PCDHA4: variants seen among roughly 807,000 people sequenced by gnomAD.
PCDHA4 encodes the protein protocadherin alpha-4.
A neutral mutation model predicts 61.4 loss-of-function variants in PCDHA4; 49 were observed. That is an observed-to-expected ratio of 0.80 (90% CI 0.63 to 1.01). The LOEUF is 1.01. Ranked by LOEUF, PCDHA4 falls within the 50% of genes least tolerant of loss-of-function variation. PCDHA4 has a pLI of 0.00. For missense variants in PCDHA4, 1,254 were observed against 1,235.8 expected (o/e 1.01, Z -0.22); for synonymous variants, 590 against 550.3 (o/e 1.07, Z -1.01).
chr5:140,851,332 C>T (rs2042029710), intron 1 of PCDHA4: 1 of 971,624 alleles, frequency 1.0e-6, no homozygotes, highest in Non-Finnish European at 1.3e-6. Context: ...GTTTGTAGTT[C>T]TCTACATTTC....
chr5:140,830,060 C>T, intron 1 of PCDHA4: 1 of 1,613,712 alleles, frequency 6.2e-7, no homozygotes, highest in South Asian at 1.1e-5. Context: ...CCACGGTGAG[C>T]CGGCGCTGAC....
At chr5:140,824,417 G>T in intron 1 of PCDHA4, 1 of 513,492 alleles carries the variant, frequency 1.9e-6, no homozygotes, top group Admixed American at 3.8e-5. Flanking sequence ...ACATAGTTTG[G>T]AGTCATTCTC....
At chr5:140,877,930 C>T (rs2057400413) in intron 1 of PCDHA4, 1 of 1,411,700 alleles carries the variant, frequency 7.1e-7, no homozygotes, top group East Asian at 2.5e-5. Flanking sequence ...CTTTATGATT[C>T]TATCCTTTAA....
In PCDHA4 at chr5:140,856,944, G is replaced by A; in HGVS notation, c.2385+47372G>A. Reference sequence around the variant, plus strand: ...AAATTTTGGATAAACGAAAGGACGGGAGAAATAAAAGTAAATGATGCTATT... The same window carrying A: ...AAATTTTGGATAAACGAAAGGACGGAAGAAATAAAAGTAAATGATGCTATT... On this transcript the variant is annotated intron_variant, in intron 1 of 3. Transcript: ENST00000530339. 1.9e-6 allele frequency: 3 copies of A among 1,593,674 alleles called. 1 individual carries two copies. The highest frequency in any genetic ancestry group is 2.6e-6 in the Non-Finnish European group (3 of 1,163,664).
intron 1 of PCDHA4, chr5:140,841,610 G>A (rs199713478): frequency 9.3e-7 from 1 of 1,080,210 alleles, no homozygotes; most frequent in Admixed American, 2.5e-5. Context: ...GGAGCTGTGC[G>A]GGCGGAGCGC....
At chr5:140,989,565 G>A (rs782538666) in intron 3 of PCDHA4, among the ~76,000 whole-genome samples, 12 of 152,134 alleles carry the variant, frequency 7.9e-5, no homozygotes, top group South Asian at 4.1e-4. Context: ...TTGTGGCTCC[G>A]GCAAGCCCTG....
Position 140,847,724 on chromosome 5 carries a change from A to G in PCDHA4, c.2385+38152A>G, listed in dbSNP as rs2150403013. 2.0e-5 allele frequency: 3 copies of G among 150,110 alleles called. No individual in the cohort carries two copies. The South Asian group carries it at 6.3e-4, about 32-fold the overall frequency. 9.3% of individuals were successfully genotyped at this position (150,110 alleles called of 1,614,324 possible). ...ACAGATTGTATAAATGCTACAAAAGAGAAAAATATATTTTCTCCCCACGCA... is the reference window on the plus strand; with the variant it reads ...ACAGATTGTATAAATGCTACAAAAGGGAAAAATATATTTTCTCCCCACGCA... On this transcript the variant is annotated intron_variant, in intron 1 of 3. Transcript: ENST00000530339.
chr5:140,951,008 G>A (rs563188363), intron 1 of PCDHA4, among the ~76,000 whole-genome samples: 2 of 151,974 alleles, frequency 1.3e-5, no homozygotes, highest in South Asian at 4.2e-4. Flanking sequence ...TTTTTCCCAA[G>A]ATCAGGCAGT....
In PCDHA4 at chr5:141,010,480, A is replaced by C; in HGVS notation, c.*543A>C. The C allele has an allele frequency of 1.4e-6, 1 of 696,098 alleles. No individual in the cohort carries two copies. Among genetic ancestry groups the C allele is most frequent in the Non-Finnish European group, 2.2e-6 (1 of 452,208 alleles). 43.1% of individuals were successfully genotyped at this position (696,098 alleles called of 1,614,324 possible). A position where few individuals can be genotyped will look rare whatever the true frequency, so the allele number is the denominator to read the frequency against. On this transcript the variant is annotated 3_prime_UTR_variant, in exon 4 of 4. Transcript: ENST00000530339. ...TTATCAGTATGGAGGGGAAGTGTAA[A>C]CTTAAAGGGACCAGACTTTCTAAAT...
Position 140,851,830 on chromosome 5 carries a change from T to A in PCDHA4, c.2385+42258T>A, listed in dbSNP as rs565233003. The A allele has an allele frequency of 1.6e-4, 153 of 967,896 alleles. 10 individuals carry two copies. In the African/African-American group the frequency reaches 2.0e-3, roughly 13 times the overall value. 60.0% of individuals were successfully genotyped at this position (967,896 alleles called of 1,614,324 possible). On this transcript the variant is annotated intron_variant, in intron 1 of 3. Transcript: ENST00000530339. ...TCCATAAGACAGAAATCTGTTTTTT[T>A]AAAAATATCTTTTTCTCCTCTCAGC...
At chr5:140,851,713 T>C in intron 1 of PCDHA4, 1 of 961,328 alleles carries the variant, frequency 1.0e-6, no homozygotes, top group Non-Finnish European at 1.3e-6. Context: ...ATGTGAAGAT[T>C]CGAAACTTCG....
intron 1 of PCDHA4, chr5:140,842,895 A>C: frequency 6.3e-7 from 1 of 1,594,156 alleles, no homozygotes; most frequent in East Asian, 2.2e-5. Flanking sequence ...CCGCTGGACC[A>C]CGAGGAGCTA....
At chr5:140,975,068 C>G (rs1273763502) in intron 1 of PCDHA4, among the ~76,000 whole-genome samples, 2 of 152,134 alleles carry the variant, frequency 1.3e-5, no homozygotes, top group Non-Finnish European at 2.9e-5. Context: ...CGAGCTCATT[C>G]AGATTGTTGG....
intron 1 of PCDHA4, among the ~76,000 whole-genome samples, chr5:140,831,643 G>T (rs2150109104): frequency 6.6e-6 from 1 of 151,354 alleles, no homozygotes; most frequent in South Asian, 2.1e-4. Context: ...GATTATAGGT[G>T]TGAGCCACTA....
At chr5:140,859,014 A>G (rs983768098) in intron 1 of PCDHA4, 1 of 151,370 alleles carries the variant, frequency 6.6e-6, no homozygotes, top group Non-Finnish European at 1.5e-5. Flanking sequence ...AATCTTAGCA[A>G]TTAAGTTAAA....
At position 141,010,163 on chromosome 5, in the gene PCDHA4, C is replaced by T; in HGVS notation, c.*226C>T. Reference sequence around the variant, plus strand: ...CTTTCTCTCCACTCTGGCTTGTTTTCAGAACCTAAAAAGCAGACCCAAGTT... The same window carrying T: ...CTTTCTCTCCACTCTGGCTTGTTTTTAGAACCTAAAAAGCAGACCCAAGTT... On this transcript the variant is annotated 3_prime_UTR_variant, in exon 4 of 4. Transcript: ENST00000530339. 1 of 1,565,826 alleles carries T rather than the reference C, an allele frequency of 6.4e-7. No homozygotes were observed. The highest frequency in any genetic ancestry group is 8.7e-7 in the Non-Finnish European group (1 of 1,154,220).
chr5:140,967,218 C>T, intron 1 of PCDHA4: 3 of 1,613,744 alleles, frequency 1.9e-6, no homozygotes, highest in South Asian at 1.1e-5. Flanking sequence ...TTCCCGCGGC[C>T]CAACTACCAG....
At chr5:140,829,843 A>C in intron 1 of PCDHA4, 1 of 1,613,926 alleles carries the variant, frequency 6.2e-7, no homozygotes, top group Non-Finnish European at 8.5e-7. Flanking sequence ...TGCCGCGGTC[A>C]CTGGGTGCAG....
Position 140,808,628 on chromosome 5 carries a change from G to C in PCDHA4, c.1441G>C (p.Asp481His), listed in dbSNP as rs782443934. ...GCHIFTVSAW[D>H]ADAQENALVS... is the part of the protein sequence containing the mutation. Reference sequence around the variant, plus strand: ...CCACATCTTCACTGTGTCTGCGTGGGACGCGGACGCGCAGGAGAACGCGCT... The same window carrying C: ...CCACATCTTCACTGTGTCTGCGTGGCACGCGGACGCGCAGGAGAACGCGCT... Residue 481 changes from aspartate to histidine, a missense_variant, in exon 1 of 4, where the codon GAC becomes CAC. Transcript: ENST00000530339. The C allele has an allele frequency of 6.2e-7, 1 of 1,613,622 alleles. No individual in the cohort carries two copies.
Sources: gnomAD v4.1 joint callset for allele counts (sites outside exome capture counted in the v4.1 genomes callset) on GRCh38, gnomAD v4.1.1 for gene constraint, MANE v1.5 for transcripts, NCBI Gene and HGNC (gene_info 2026-07-23, HGNC 2026-07-21) for gene names.